The following ANKDD1A variants were observed in gnomAD, a reference collection of about 807,000 sequenced individuals.
The protein encoded by ANKDD1A is ankyrin repeat and death domain containing 1A.
ANKDD1A carries 59 observed loss-of-function variants against 63.5 expected under a neutral mutation model. That is an observed-to-expected ratio of 0.93 (90% CI 0.75 to 1.15). ANKDD1A has a LOEUF of 1.15. ANKDD1A is among the 50% of genes most tolerant of loss of function. The pLI is 0.00. For missense variants in ANKDD1A, 632 were observed against 656.4 expected (o/e 0.96, Z 0.41); for synonymous variants, 266 against 263.9 (o/e 1.01, Z -0.08).
chr15:64,939,847 C>G (rs2085166498), intron 9 of ANKDD1A, among the ~76,000 whole-genome samples: 1 of 152,028 alleles, frequency 6.6e-6, no homozygotes, highest in Admixed American at 6.6e-5. Flanking sequence ...AAAATTAACT[C>G]AAAATGGATC....
chr15:64,956,183 CCTTT>C (rs1442170059), intron 14 of ANKDD1A, among the ~76,000 whole-genome samples: 1 of 151,792 alleles, frequency 6.6e-6, no homozygotes, highest in Non-Finnish European at 1.5e-5. Flanking sequence ...GAAAAAGCTT[CCTTT>C]CTCTCTTCAC....
chr15:64,928,730 C>T (rs1356845440), intron 6 of ANKDD1A, among the ~76,000 whole-genome samples: 2 of 152,216 alleles, frequency 1.3e-5, no homozygotes, highest in African/African-American at 4.8e-5. Flanking sequence ...GTCAAGGCCT[C>T]ACAGAAGTGG....
intron 9 of ANKDD1A, among the ~76,000 whole-genome samples, chr15:64,940,419 GATAGATAGATAGATAT>G (rs1235220387): frequency 0.061 from 8,068 of 132,880 alleles, 285 homozygotes; most frequent in Non-Finnish European, 0.085. Flanking sequence ...TAGATAGATA[GATAGATAGATAGATAT>G]ATAGATATTT....
chr15:64,942,257 G>A (rs1322745677), intron 9 of ANKDD1A, among the ~76,000 whole-genome samples: 5 of 152,152 alleles, frequency 3.3e-5, no homozygotes, highest in Non-Finnish European at 1.5e-5. Flanking sequence ...TGGGTCTTCA[G>A]ACCCTCACCC....
chr15:64,922,215 G>A (rs933353784), intron 4 of ANKDD1A, 196 bp downstream of exon 4: 16 of 565,768 alleles, frequency 2.8e-5, no homozygotes, highest in Non-Finnish European at 4.7e-5. Context: ...CCTCTGGCTG[G>A]CCTCCTTATT....
chr15:64,915,725 G>T, intron 1 of ANKDD1A, 72 bp from the exon 2 acceptor site: 1 of 1,321,790 alleles, frequency 7.6e-7, no homozygotes, highest in South Asian at 1.2e-5. Context: ...AGTGGAAATG[G>T]GTTGTTTACC....
chr15:64,954,718 T>TCTC (rs200945819), intron 14 of ANKDD1A, among the ~76,000 whole-genome samples: 122,926 of 140,986 alleles, frequency 0.87, 54,710 homozygotes, highest in East Asian at 0.98. Flanking sequence ...TTCTTCTCCT[T>TCTC]CTCCTCCTCC....
In ANKDD1A at chr15:64,947,592, AG is replaced by A; in HGVS notation, c.1351+1del. The A allele has an allele frequency of 6.2e-7, 1 of 1,613,692 alleles. No individual in the cohort carries two copies. The highest frequency in any genetic ancestry group is 1.3e-5 in the African/African-American group (1 of 75,050). On this transcript the variant is annotated frameshift_variant and splice_region_variant, in exon 13 of 15. Transcript: ENST00000319580. LOFTEE classifies it high-confidence loss of function. ...HVDAIEQQWT[G>X]TRSYQEHGHR... ...TCGACGCCATCGAGCAACAGTGGAC[AG>A]GTACCACCTTGCCTCTCCTCGCCCT... is the stretch of plus-strand genomic sequence containing the variant.
At chr15:64,912,128 C>T (rs897303326) in intron 1 of ANKDD1A, among the ~76,000 whole-genome samples, 164 bp downstream of exon 1, 1 of 152,112 alleles carries the variant, frequency 6.6e-6, no homozygotes, top group Non-Finnish European at 1.5e-5. Context: ...CGCACTGGGC[C>T]GAGGGGACCT....
chr15:64,943,861 T>G (rs761467120), intron 11 of ANKDD1A: 26 of 443,756 alleles, frequency 5.9e-5, no homozygotes, highest in Non-Finnish European at 1.0e-4. Flanking sequence ...GACTGTGACC[T>G]CCTGAGTCAC....
At chr15:64,956,632 T>A (rs990295280) in intron 14 of ANKDD1A, among the ~76,000 whole-genome samples, 3 of 152,204 alleles carry the variant, frequency 2.0e-5, no homozygotes, top group Admixed American at 6.5e-5. Flanking sequence ...CTTGGCTCAC[T>A]GCAACCTCCG....
intron 5 of ANKDD1A, 146 bp from the exon 6 acceptor site, chr15:64,926,755 G>A: frequency 1.3e-6 from 1 of 767,150 alleles, no homozygotes; most frequent in African/African-American, 1.7e-5. Flanking sequence ...GGCAGGGTGT[G>A]GGGAGGCAAG....
At chr15:64,912,819 G>T (rs559657330) in intron 1 of ANKDD1A, among the ~76,000 whole-genome samples, 5 of 152,242 alleles carry the variant, frequency 3.3e-5, no homozygotes, top group Admixed American at 6.5e-5. Context: ...TCAGCTGAGG[G>T]ATGTGTTGGG....
At chr15:64,954,339 C>G (rs1400051445) in intron 14 of ANKDD1A, among the ~76,000 whole-genome samples, 1 of 84,002 alleles carries the variant, frequency 1.2e-5, no homozygotes. Context: ...CTTCTTCTTC[C>G]TCCTCTCCTT....
rs1251718377 is a variant in ANKDD1A, at chr15:64,954,070, TTCC to T, written c.1484-3030_1484-3028del. ...CTTCTTTTCTCCTTCTTCTTTCTTC[TTCC>T]TCTTTTCTTCTTCTTTCTCCTCCCT... On this transcript the variant is annotated intron_variant, in intron 14 of 14. Transcript: ENST00000319580. Among the ~76,000 whole-genome samples, 16 of 20,680 alleles carry T rather than the reference TTCC, an allele frequency of 7.7e-4. No individual in the cohort carries two copies. The Admixed American group carries it at 8.6e-3, about 11-fold the overall frequency. The allele number at this position is 20,680 out of a possible 152,430, so 13.6% of individuals were successfully genotyped here.
intron 8 of ANKDD1A, among the ~76,000 whole-genome samples, chr15:64,933,734 C>T (rs201827897): frequency 1.3e-5 from 2 of 151,850 alleles, no homozygotes; most frequent in Non-Finnish European, 2.9e-5. Context: ...CCCAGCTACT[C>T]GGGAGGCTGA....
chr15:64,954,543 T>C (rs1428401133), intron 14 of ANKDD1A, among the ~76,000 whole-genome samples: 130 of 3,786 alleles, frequency 0.034, no homozygotes, highest in South Asian at 0.31. Context: ...TCCTTCTCCT[T>C]CTTCTTTTCT....
intron 14 of ANKDD1A, 95 bp downstream of exon 14, chr15:64,950,067 T>C (rs2085257879): frequency 4.5e-6 from 7 of 1,554,602 alleles, no homozygotes; most frequent in Non-Finnish European, 5.2e-6. Context: ...ACAAGAATGC[T>C]GTGATGCTGG....
At chr15:64,917,615 A>G in intron 3 of ANKDD1A, 101 bp downstream of exon 3, 4 of 1,474,600 alleles carry the variant, frequency 2.7e-6, no homozygotes, top group Non-Finnish European at 3.6e-6. Flanking sequence ...ATATGCAGAC[A>G]TTCAGGTGCA....
Sources: gnomAD v4.1 joint callset for allele counts (sites outside exome capture counted in the v4.1 genomes callset) on GRCh38, gnomAD v4.1.1 for gene constraint, MANE v1.5 for transcripts, NCBI Gene and HGNC (gene_info 2026-07-23, HGNC 2026-07-21) for gene names.